The following NDUFC2 variants were observed in gnomAD, a reference collection of about 807,000 sequenced individuals.
The protein encoded by NDUFC2 is NADH dehydrogenase [ubiquinone] 1 subunit C2.
A neutral mutation model predicts 10.1 loss-of-function variants in NDUFC2; 2 were observed. The ratio of observed to expected loss-of-function variants is 0.20; its 90% CI spans 0.08 to 0.62. The LOEUF is 0.62. Among genes scored for constraint, NDUFC2 ranks in the 20% least tolerant of loss-of-function variants. NDUFC2 has a pLI of 0.87. For synonymous variants in NDUFC2, 61 were observed against 63.6 expected, an observed-to-expected ratio of 0.96 and a Z score of 0.20; for missense variants, 156 against 159.6, an observed-to-expected ratio of 0.98 and a Z score of 0.12.
rs1158155836 is a variant in NDUFC2, at chr11:78,079,842, C to A, written c.-98G>T. On this transcript the variant is annotated 5_prime_UTR_variant, in exon 1 of 3. Coordinates refer to ENST00000281031, the MANE Select transcript of NDUFC2 (RefSeq NM_004549.6). ...CGGCCTAAGCGGTCAGCTTTCTCCT[C>A]CTCCTCTGCGCGCCGGACTCACGGG... The A allele has an allele frequency of 1.4e-6, 2 of 1,455,156 alleles. No individual in the cohort carries two copies. Among genetic ancestry groups the A allele is most frequent in the African/African-American group, 3.0e-5 (2 of 67,558 alleles). 90.1% of individuals were successfully genotyped at this position (1,455,156 alleles called of 1,614,324 possible).
In NDUFC2 at chr11:78,079,662, G is replaced by C. The variant is rs1260346441; in HGVS notation, c.83C>G (p.Pro28Arg). Reference sequence around the variant, plus strand: ...CAAGAAGCCGATGTAGAGGAGCCGCGGGTCGGTCAGCTTGGGCGGGGGCAG... The same window carrying C: ...CAAGAAGCCGATGTAGAGGAGCCGCCGGTCGGTCAGCTTGGGCGGGGGCAG... ...RSLPPPKLTDPRLLYIGFLGY... is the reference protein window; with the variant it reads ...RSLPPPKLTDRRLLYIGFLGY... The change falls in exon 1 of 3, where the codon CCG (proline) becomes CGG (arginine). Residue 28 changes from proline (P) to arginine (R), a missense_variant. Coordinates refer to ENST00000281031, the MANE Select transcript of NDUFC2 (RefSeq NM_004549.6). 1 of 1,605,980 alleles carries C rather than the reference G, an allele frequency of 6.2e-7. No homozygotes were observed. Among genetic ancestry groups the C allele is most frequent in the Non-Finnish European group, 8.5e-7 (1 of 1,176,726 alleles).
intron 1 of NDUFC2, among the ~76,000 whole-genome samples, chr11:78,074,550 T>C (rs944663778): frequency 1.3e-5 from 2 of 151,766 alleles, no homozygotes; most frequent in African/African-American, 4.8e-5. Context: ...GAGGTGGAGA[T>C]TGCAGTGAGC....
chr11:78,070,952 A>G (rs1858974860), intron 2 of NDUFC2, among the ~76,000 whole-genome samples: 1 of 152,218 alleles, frequency 6.6e-6, no homozygotes, highest in Non-Finnish European at 1.5e-5. Flanking sequence ...TCCTCAAGCC[A>G]CTGGGCCTCA....
chr11:78,077,609 GC>G (rs1217111052), intron 1 of NDUFC2, among the ~76,000 whole-genome samples: 9 of 152,156 alleles, frequency 5.9e-5, no homozygotes, highest in Admixed American at 5.9e-4. Flanking sequence ...AGGCTGGAGT[GC>G]AGTGGTGCAA....
chr11:78,079,827 G>T lies in NDUFC2; in HGVS notation c.-83C>A. On this transcript the variant is annotated 5_prime_UTR_variant, in exon 1 of 3. Coordinates refer to ENST00000281031, the MANE Select transcript of NDUFC2 (RefSeq NM_004549.6). Reference sequence around the variant, plus strand: ...CGACGACCACTACCCCGGCCTAAGCGGTCAGCTTTCTCCTCCTCCTCTGCG... The same window carrying T: ...CGACGACCACTACCCCGGCCTAAGCTGTCAGCTTTCTCCTCCTCCTCTGCG... The T allele has an allele frequency of 6.7e-7, 1 of 1,487,210 alleles. No individual in the cohort carries two copies. Among genetic ancestry groups the T allele is most frequent in the Non-Finnish European group, 8.9e-7 (1 of 1,117,832 alleles). The allele number at this position is 1,487,210 out of a possible 1,614,324, so 92.1% of individuals were successfully genotyped here.
At chr11:78,071,254 ATTT>A (rs34320551) in intron 2 of NDUFC2, among the ~76,000 whole-genome samples, 5 of 127,714 alleles carry the variant, frequency 3.9e-5, no homozygotes. Flanking sequence ...TAACAGAAGA[ATTT>A]TTTTTTTTTT....
In NDUFC2 at chr11:78,069,952, G is replaced by T. The variant is rs368863957; in HGVS notation, c.*35C>A. On this transcript the variant is annotated 3_prime_UTR_variant, in exon 3 of 3. Coordinates refer to ENST00000281031, the MANE Select transcript of NDUFC2 (RefSeq NM_004549.6). ...GTTCCATCAAATTCAGAAACAGCAG[G>T]TATCAGTGAAACTGGAGCAAGCATT... 2.0e-5 allele frequency: 32 copies of T among 1,612,968 alleles called. No homozygotes were observed. The highest frequency in any genetic ancestry group is 2.7e-5 in the African/African-American group (2 of 74,906).
At chr11:78,076,206 A>G (rs867859920) in intron 1 of NDUFC2, among the ~76,000 whole-genome samples, 15 of 151,724 alleles carry the variant, frequency 9.9e-5, no homozygotes, top group Non-Finnish European at 4.4e-5. Context: ...CAATGGCACA[A>G]TCTCGGCTCA....
rs914321169 is a variant in NDUFC2, at chr11:78,069,587, A to G, written c.*400T>C. On this transcript the variant is annotated 3_prime_UTR_variant, in exon 3 of 3. Transcript: ENST00000281031. ...GGCAAACCTTTTCTGAAAGGGCTAC[A>G]TATTAATTAGGCTTTGCAGGCCATA... The G allele has an allele frequency of 3.0e-5, 12 of 406,644 alleles. No individual in the cohort carries two copies. The highest frequency in any genetic ancestry group is 4.3e-5 in the Non-Finnish European group (10 of 231,322). The allele number at this position is 406,644 out of a possible 1,614,324, so 25.2% of individuals were successfully genotyped here.
Position 78,075,386 on chromosome 11 carries a change from ATGTT to A in NDUFC2, c.167-2249_167-2246del, listed in dbSNP as rs547933780. Reference sequence around the variant, plus strand: ...TGTTCCCAACATAAAGAAGGGGTGAATGTTTGGGGTGATGGATGTCCCATTTGCC... The same window carrying A: ...TGTTCCCAACATAAAGAAGGGGTGAATGGGGTGATGGATGTCCCATTTGCC... On this transcript the variant is annotated intron_variant, in intron 1 of 2. Coordinates refer to ENST00000281031, the MANE Select transcript of NDUFC2 (RefSeq NM_004549.6). 2.3e-3 allele frequency among the ~76,000 whole-genome samples: 345 copies of A among 152,266 alleles called. 1 individual carries two copies. The highest frequency in any genetic ancestry group is 0.01 in the Middle Eastern group (3 of 294).
intron 2 of NDUFC2, 137 bp downstream of exon 2, chr11:78,072,861 G>C (rs913480272): frequency 8.1e-7 from 1 of 1,233,460 alleles, no homozygotes; most frequent in Non-Finnish European, 1.1e-6. Flanking sequence ...ATTAATTCAA[G>C]AGAATTTTGG....
chr11:78,075,606 G>T (rs1362826454), intron 1 of NDUFC2, among the ~76,000 whole-genome samples: 1 of 152,074 alleles, frequency 6.6e-6, no homozygotes, highest in African/African-American at 2.4e-5. Flanking sequence ...ATTATTATGA[G>T]ACAGAATCTT....
chr11:78,079,717 A>G lies in NDUFC2; in HGVS notation c.28T>C (p.Leu10=). The G allele has an allele frequency of 6.2e-7, 1 of 1,609,756 alleles. No individual in the cohort carries two copies. Among genetic ancestry groups the G allele is most frequent in the South Asian group, 1.1e-5 (1 of 90,498 alleles). ...CGGGCCTCATCCGGCAGAAACCGTA[A>G]GGGTTCTGGGTTCCGCCGTGCGATC... MIARRNPEP[L]RFLPDEARSL... is the part of the protein sequence containing the mutation. The change falls in exon 1 of 3, where the codon TTA becomes CTA. Residue 10 remains leucine (L), a synonymous_variant. Transcript: ENST00000281031.
Position 78,069,895 on chromosome 11 carries a change from T to A in NDUFC2, c.*92A>T. Reference sequence around the variant, plus strand: ...TAATTACAAGGTGTCAACATACAGATTAGCATAAGCTTCAACTGTCATAAG... The same window carrying A: ...TAATTACAAGGTGTCAACATACAGAATAGCATAAGCTTCAACTGTCATAAG... On this transcript the variant is annotated 3_prime_UTR_variant, in exon 3 of 3. Coordinates refer to ENST00000281031, the MANE Select transcript of NDUFC2 (RefSeq NM_004549.6). 1.2e-6 allele frequency: 2 copies of A among 1,612,886 alleles called. No homozygotes were observed. Among genetic ancestry groups the A allele is most frequent in the Non-Finnish European group, 1.7e-6 (2 of 1,179,408 alleles).
rs499799 is a variant in NDUFC2, at chr11:78,079,817, C to G, written c.-73G>C. On this transcript the variant is annotated 5_prime_UTR_variant, in exon 1 of 3. Transcript: ENST00000281031. Reference sequence around the variant, plus strand: ...AGGAAAACCACGACGACCACTACCCCGGCCTAAGCGGTCAGCTTTCTCCTC... The same window carrying G: ...AGGAAAACCACGACGACCACTACCCGGGCCTAAGCGGTCAGCTTTCTCCTC... The G allele has an allele frequency of 0.84, 1,275,317 of 1,515,356 alleles. 537,531 individuals carry two copies. Among genetic ancestry groups the G allele is most frequent in the Admixed American group, 0.9 (36,144 of 40,084 alleles). 93.9% of individuals were successfully genotyped at this position (1,515,356 alleles called of 1,614,324 possible).
intron 1 of NDUFC2, among the ~76,000 whole-genome samples, chr11:78,076,446 T>C (rs545929980): frequency 6.6e-6 from 1 of 152,336 alleles, no homozygotes; most frequent in South Asian, 2.1e-4. Context: ...GTGACCTCAC[T>C]CAATACTTAC....
At chr11:78,078,421 C>T (rs1256488870) in intron 1 of NDUFC2, among the ~76,000 whole-genome samples, 1 of 152,190 alleles carries the variant, frequency 6.6e-6, no homozygotes, top group Non-Finnish European at 1.5e-5. Context: ...ACTAGCCCCA[C>T]GGGCCTAGAA....
At chr11:78,072,589 C>A (rs1859056768) in intron 2 of NDUFC2, among the ~76,000 whole-genome samples, 1 of 152,162 alleles carries the variant, frequency 6.6e-6, no homozygotes, top group Non-Finnish European at 1.5e-5. Context: ...ATTAACAAGG[C>A]CTGAACCAGG....
chr11:78,075,017 T>A (rs1352781335), intron 1 of NDUFC2, among the ~76,000 whole-genome samples: 1 of 152,236 alleles, frequency 6.6e-6, no homozygotes, highest in Non-Finnish European at 1.5e-5. Context: ...TCTCTCTTAG[T>A]GGTCGACCTC....
Sources: allele counts gnomAD v4.1 joint callset (sites outside exome capture counted in the v4.1 genomes callset), GRCh38; gene constraint gnomAD v4.1.1; transcripts MANE v1.5; gene names NCBI Gene and HGNC (gene_info 2026-07-23, HGNC 2026-07-21).